Variants in ENTREP2 observed in about 807,000 individuals in gnomAD.
ENTREP2 encodes protein ENTREP2.
At chr15:29,251,750 T>C in the ENTREP2 span, among the ~76,000 whole-genome samples, 1 of 149,688 alleles carries the variant, frequency 6.7e-6, no homozygotes, top group South Asian at 2.1e-4. Flanking sequence ...GTGACTTTTT[T>C]TTTTTTTTTT....
chr15:29,287,545 T>C, the ENTREP2 span, among the ~76,000 whole-genome samples: 3 of 152,362 alleles, frequency 2.0e-5, no homozygotes, highest in East Asian at 5.8e-4. Flanking sequence ...ACATTTATTT[T>C]GTTTAAAGTA....
chr15:29,506,350 G>C, the ENTREP2 span, among the ~76,000 whole-genome samples: 1 of 152,284 alleles, frequency 6.6e-6, no homozygotes, highest in South Asian at 2.1e-4. Flanking sequence ...TATCATCCAG[G>C]AGAATTTCAC....
At chr15:29,429,472 C>G in the ENTREP2 span, among the ~76,000 whole-genome samples, 2 of 152,212 alleles carry the variant, frequency 1.3e-5, no homozygotes, top group Non-Finnish European at 2.9e-5. Context: ...CCTCCCACCT[C>G]GGCCTCCTAA....
the ENTREP2 span, among the ~76,000 whole-genome samples, chr15:29,250,740 G>C: frequency 2.4e-4 from 37 of 152,240 alleles, no homozygotes; most frequent in African/African-American, 8.4e-4. Flanking sequence ...ATAGCACCTA[G>C]TATTTAGGAA....
the ENTREP2 span, among the ~76,000 whole-genome samples, chr15:29,201,841 T>C: frequency 6.6e-6 from 1 of 152,222 alleles, no homozygotes; most frequent in Non-Finnish European, 1.5e-5. Context: ...AGAAATTGTG[T>C]AGAAATGGTA....
the ENTREP2 span, among the ~76,000 whole-genome samples, chr15:29,213,605 G>A: frequency 7.9e-5 from 12 of 152,188 alleles, 1 homozygote; most frequent in Non-Finnish European, 1.8e-4. Context: ...TGTTATTGGT[G>A]TATAAGAATG....
chr15:29,611,768 A>G, the ENTREP2 span, among the ~76,000 whole-genome samples: 212 of 152,256 alleles, frequency 1.4e-3, no homozygotes, highest in African/African-American at 4.9e-3. Flanking sequence ...TGTTCGGTGA[A>G]TGAATGAAGC....
At chr15:29,218,549 T>G in the ENTREP2 span, among the ~76,000 whole-genome samples, 1 of 152,162 alleles carries the variant, frequency 6.6e-6, no homozygotes, top group African/African-American at 2.4e-5. Context: ...GTCATCACAT[T>G]ACCTGTTTTC....
the ENTREP2 span, among the ~76,000 whole-genome samples, chr15:29,303,215 TGACAGGAA>T: frequency 6.6e-6 from 1 of 152,340 alleles, no homozygotes. Context: ...GCTGAAAAGG[TGACAGGAA>T]GAGTCTATTT....
chr15:29,339,880 C>A, the ENTREP2 span, among the ~76,000 whole-genome samples: 19 of 152,246 alleles, frequency 1.2e-4, no homozygotes, highest in Non-Finnish European at 1.9e-4. Flanking sequence ...TGATTCATCA[C>A]CTGATGTTAT....
At chr15:29,478,374 C>G in the ENTREP2 span, among the ~76,000 whole-genome samples, 24 of 152,092 alleles carry the variant, frequency 1.6e-4, no homozygotes, top group African/African-American at 5.8e-4. Context: ...ATTATCCTTT[C>G]AATGTGTAAA....
the ENTREP2 span, among the ~76,000 whole-genome samples, chr15:29,447,035 AC>A: frequency 6.6e-6 from 1 of 152,024 alleles, no homozygotes; most frequent in East Asian, 1.9e-4. Flanking sequence ...TTACCACATA[AC>A]CTAACATGTT....
At chr15:29,600,802 T>C in the ENTREP2 span, among the ~76,000 whole-genome samples, 2 of 152,022 alleles carry the variant, frequency 1.3e-5, no homozygotes, top group Non-Finnish European at 2.9e-5. Context: ...ACAGGTAGTA[T>C]TCACTTTGCA....
At chr15:29,339,831 G>C in the ENTREP2 span, among the ~76,000 whole-genome samples, 1 of 152,240 alleles carries the variant, frequency 6.6e-6, no homozygotes, top group African/African-American at 2.4e-5. Flanking sequence ...TCCTGAAGAT[G>C]GGACGTGGGT....
the ENTREP2 span, among the ~76,000 whole-genome samples, chr15:29,400,067 T>TATAAAA: frequency 1.3e-5 from 2 of 152,152 alleles, no homozygotes; most frequent in Non-Finnish European, 2.9e-5. Flanking sequence ...ATGCCAGATA[T>TATAAAA]ACTTACTAAG....
the ENTREP2 span, among the ~76,000 whole-genome samples, chr15:29,237,435 T>C: frequency 1.3e-5 from 2 of 152,236 alleles, no homozygotes; most frequent in African/African-American, 2.4e-5. Flanking sequence ...TTTTCTCCTA[T>C]GTTTTTTCTA....
the ENTREP2 span, among the ~76,000 whole-genome samples, chr15:29,473,964 G>T: frequency 1.3e-5 from 2 of 152,176 alleles, no homozygotes; most frequent in South Asian, 4.1e-4. Flanking sequence ...CATCAAGCTG[G>T]GCCTCCTGGA....
chr15:29,436,935 T>C, the ENTREP2 span, among the ~76,000 whole-genome samples: 1 of 152,274 alleles, frequency 6.6e-6, no homozygotes, highest in Non-Finnish European at 1.5e-5. Context: ...TTTTCCATGC[T>C]GACCCCTAAC....
At chr15:29,511,269 T>A in the ENTREP2 span, among the ~76,000 whole-genome samples, 1 of 151,814 alleles carries the variant, frequency 6.6e-6, no homozygotes, top group African/African-American at 2.4e-5. Flanking sequence ...GGCTCATTTT[T>A]ACATAAGATT....
Sources: gnomAD v4.1 joint callset for allele counts (sites outside exome capture counted in the v4.1 genomes callset) on GRCh38, gnomAD v4.1.1 for gene constraint, MANE v1.5 for transcripts, NCBI Gene and HGNC (gene_info 2026-07-23, HGNC 2026-07-21) for gene names.